FAT3: variants seen among roughly 807,000 people sequenced by gnomAD.
FAT3 encodes protocadherin Fat 3.
A neutral mutation model predicts 310.2 loss-of-function variants in FAT3; 95 were observed. That is an observed-to-expected ratio of 0.31 (90% CI 0.26 to 0.36). The LOEUF (loss-of-function observed/expected upper bound fraction) is 0.36, where lower values mean the gene tolerates loss of function less well. FAT3 is among the 10% of genes least tolerant of loss of function. FAT3 has a pLI of 1.00. For synonymous variants in FAT3, 2,314 were observed against 2,192.9 expected, an observed-to-expected ratio of 1.06 and a Z score of -1.54; for missense variants, 5,408 against 5,715.6, an observed-to-expected ratio of 0.95 and a Z score of 1.74.
intron 4 of FAT3, among the ~76,000 whole-genome samples, chr11:92,699,811 G>A (rs180907225): frequency 3.4e-4 from 52 of 152,312 alleles, no homozygotes; most frequent in African/African-American, 1.2e-3. Context: ...CAGTCCAGTG[G>A]TGCTAAGTAG....
intron 2 of FAT3, among the ~76,000 whole-genome samples, chr11:92,397,907 TAATACACACA>T (rs1949913514): frequency 6.6e-6 from 1 of 152,044 alleles, no homozygotes; most frequent in African/African-American, 2.4e-5. Context: ...TTATGACCCA[TAATACACACA>T]AATACACACA....
chr11:92,276,043 C>A (rs1310267470), intron 1 of FAT3, among the ~76,000 whole-genome samples: 1 of 151,964 alleles, frequency 6.6e-6, no homozygotes, highest in Non-Finnish European at 1.5e-5. Flanking sequence ...GAAAAAGAGG[C>A]CACTTTGTTG....
chr11:92,667,566 A>T (rs1942995621), intron 3 of FAT3, among the ~76,000 whole-genome samples: 1 of 152,142 alleles, frequency 6.6e-6, no homozygotes, highest in South Asian at 2.1e-4. Context: ...GACAGTCAAG[A>T]TCTTATTGAA....
chr11:92,880,328 G>C (rs909354885), intron 22 of FAT3, among the ~76,000 whole-genome samples: 3 of 148,150 alleles, frequency 2.0e-5, no homozygotes, highest in African/African-American at 5.0e-5. Flanking sequence ...ACACGAGATA[G>C]GACAGTGACT....
chr11:92,662,153 C>T (rs144728270), intron 3 of FAT3, among the ~76,000 whole-genome samples: 7 of 152,238 alleles, frequency 4.6e-5, no homozygotes, highest in East Asian at 1.9e-4. Context: ...TTCCTATTGG[C>T]ACTCAAAATC....
chr11:92,494,848 A>G (rs1252027272), intron 2 of FAT3, among the ~76,000 whole-genome samples: 6 of 152,070 alleles, frequency 3.9e-5, no homozygotes, highest in Non-Finnish European at 7.4e-5. Context: ...ATTGACCATC[A>G]GGAACGGTTC....
chr11:92,465,754 C>A (rs1951743441), intron 2 of FAT3, among the ~76,000 whole-genome samples: 1 of 151,988 alleles, frequency 6.6e-6, no homozygotes, highest in South Asian at 2.1e-4. Context: ...CGGAGAAATA[C>A]CTGATGTAAA....
intron 2 of FAT3, among the ~76,000 whole-genome samples, chr11:92,408,512 GAT>G (rs1422353195): frequency 6.6e-6 from 1 of 152,202 alleles, no homozygotes; most frequent in Non-Finnish European, 1.5e-5. Flanking sequence ...TGGGTTGGAA[GAT>G]GACACTGAAT....
intron 1 of FAT3, among the ~76,000 whole-genome samples, chr11:92,273,381 G>A (rs1946181488): frequency 1.3e-5 from 2 of 151,956 alleles, no homozygotes; most frequent in African/African-American, 4.8e-5. Context: ...TCTAGATTCT[G>A]TAACATTCTG....
intron 1 of FAT3, chr11:92,314,221 G>A: frequency 1.2e-6 from 1 of 832,396 alleles, no homozygotes; most frequent in East Asian, 1.2e-4. Flanking sequence ...AAGTTTTGTG[G>A]TTTTGGCTAA....
chr11:92,382,681 T>C (rs1949523419), intron 2 of FAT3, among the ~76,000 whole-genome samples: 1 of 152,188 alleles, frequency 6.6e-6, no homozygotes, highest in South Asian at 2.1e-4. Context: ...GTTTTGCTAA[T>C]CTTGAGATAT....
At chr11:92,340,549 A>G (rs1027969162) in intron 1 of FAT3, among the ~76,000 whole-genome samples, 6 of 152,184 alleles carry the variant, frequency 3.9e-5, no homozygotes, top group African/African-American at 1.4e-4. Flanking sequence ...CAAAAATGAT[A>G]CCAGGATCCC....
intron 2 of FAT3, among the ~76,000 whole-genome samples, chr11:92,417,587 G>A (rs933914574): frequency 6.6e-6 from 1 of 152,114 alleles, no homozygotes; most frequent in Non-Finnish European, 1.5e-5. Flanking sequence ...TCTTCAGAGG[G>A]GAAGTGATAT....
At chr11:92,349,344 G>A (rs1405029877) in intron 1 of FAT3, among the ~76,000 whole-genome samples, 1 of 151,980 alleles carries the variant, frequency 6.6e-6, no homozygotes, top group Non-Finnish European at 1.5e-5. Flanking sequence ...CCACTGCTTT[G>A]GAGCCTTTTG....
chr11:92,816,085 C>T (rs955624958), intron 13 of FAT3, among the ~76,000 whole-genome samples: 2 of 152,134 alleles, frequency 1.3e-5, no homozygotes, highest in East Asian at 3.9e-4. Context: ...GAAGGATTCA[C>T]CAAATGGTAT....
chr11:92,757,450 C>A (rs1758012579), intron 4 of FAT3, among the ~76,000 whole-genome samples: 1 of 152,114 alleles, frequency 6.6e-6, no homozygotes, highest in Non-Finnish European at 1.5e-5. Flanking sequence ...AGAAATGATG[C>A]AGAAGAGGAG....
At chr11:92,326,220 G>A (rs967076135) in intron 1 of FAT3, among the ~76,000 whole-genome samples, 29 of 152,188 alleles carry the variant, frequency 1.9e-4, no homozygotes, top group African/African-American at 7.0e-4. Context: ...ACCTCATAGA[G>A]TTGTCGTAAG....
intron 2 of FAT3, among the ~76,000 whole-genome samples, chr11:92,475,492 T>C (rs930547966): frequency 6.6e-6 from 1 of 151,990 alleles, no homozygotes. Flanking sequence ...ACATATGCTG[T>C]GAAAAGCTGG....
intron 3 of FAT3, among the ~76,000 whole-genome samples, chr11:92,680,530 G>T (rs1416266368): frequency 6.6e-6 from 1 of 152,176 alleles, no homozygotes; most frequent in Non-Finnish European, 1.5e-5. Flanking sequence ...ATAATTTGAA[G>T]TTAGACAATA....
Sources: allele counts gnomAD v4.1 joint callset (sites outside exome capture counted in the v4.1 genomes callset), GRCh38; gene constraint gnomAD v4.1.1; transcripts MANE v1.5; gene names NCBI Gene and HGNC (gene_info 2026-07-23, HGNC 2026-07-21).